TMEM163: variants seen among roughly 807,000 people sequenced by gnomAD.
The protein encoded by TMEM163 is transmembrane protein 163.
Under a neutral mutation model 29.3 loss-of-function variants are expected in TMEM163, and 17 were observed. The ratio of observed to expected loss-of-function variants is 0.58; its 90% CI spans 0.40 to 0.87. The LOEUF is 0.87. TMEM163 is among the 40% of genes least tolerant of loss of function. TMEM163 has a pLI of 0.00. For missense variants in TMEM163, 303 were observed against 381.5 expected (o/e 0.79, Z 1.71); for synonymous variants, 157 against 160.6 (o/e 0.98, Z 0.17).
intron 2 of TMEM163, among the ~76,000 whole-genome samples, chr2:134,681,618 C>T (rs144193036): frequency 6.6e-6 from 1 of 152,280 alleles, no homozygotes; most frequent in African/African-American, 2.4e-5. Context: ...TTCTATAAGT[C>T]ACACAGGTTA....
At chr2:134,657,684 T>G (rs1385467587) in intron 2 of TMEM163, among the ~76,000 whole-genome samples, 1 of 152,152 alleles carries the variant, frequency 6.6e-6, no homozygotes, top group Non-Finnish European at 1.5e-5. Flanking sequence ...ATGCCTGTAA[T>G]CCGAGCTACT....
intron 7 of TMEM163, 71 bp from the exon 8 acceptor site, chr2:134,456,847 A>C: frequency 7.4e-7 from 1 of 1,360,502 alleles, no homozygotes; most frequent in African/African-American, 1.5e-5. Context: ...GCGTATTTTC[A>C]TTTTTTTTTT....
At chr2:134,498,260 G>C (rs576621149) in intron 5 of TMEM163, among the ~76,000 whole-genome samples, 1 of 151,482 alleles carries the variant, frequency 6.6e-6, no homozygotes, top group Non-Finnish European at 1.5e-5. Flanking sequence ...TCACTCCAGC[G>C]CCACCCTCCA....
At chr2:134,591,349 G>T (rs1681930162) in intron 2 of TMEM163, among the ~76,000 whole-genome samples, 2 of 152,068 alleles carry the variant, frequency 1.3e-5, no homozygotes, top group Admixed American at 1.3e-4. Context: ...ATGCTGGTGG[G>T]AGTGTAGCAG....
At chr2:134,571,215 AT>A (rs201240138) in intron 2 of TMEM163, among the ~76,000 whole-genome samples, 10,181 of 152,308 alleles carry the variant, frequency 0.067, 462 homozygotes, top group Admixed American at 0.14. Context: ...GGACACACCA[AT>A]ATGGAAAATA....
At chr2:134,534,604 A>C (rs965071902) in intron 4 of TMEM163, among the ~76,000 whole-genome samples, 1 of 152,054 alleles carries the variant, frequency 6.6e-6, no homozygotes. Context: ...ATACCAAAAA[A>C]TTAGCCAGGT....
Position 134,637,280 on chromosome 2 carries a change from C to G in TMEM163, c.322+75920G>C, listed in dbSNP as rs182448366. Among the ~76,000 whole-genome samples, 8 of 152,278 alleles carry G rather than the reference C, an allele frequency of 5.3e-5. No homozygotes were observed. In the East Asian group the frequency reaches 1.6e-3, roughly 30 times the overall value. On this transcript the variant is annotated intron_variant, in intron 2 of 7. Transcript: ENST00000281924. ...GAGACTCCAGTTCCCTCCCATACCC[C>G]AAAGCTGTGCATGTGAGATGAACTG... is the stretch of plus-strand genomic sequence containing the variant.
rs144634882 is a variant in TMEM163, at chr2:134,532,859, C to T, written c.458+17711G>A. Among the ~76,000 whole-genome samples the T allele has an allele frequency of 3.3e-3, 510 of 152,286 alleles. 4 individuals carry two copies. Among genetic ancestry groups the T allele is most frequent in the African/African-American group, 0.012 (483 of 41,566 alleles). Reference sequence around the variant, plus strand: ...GCAGTGTTTCCAATCACAGCAGCCACTCCATGAACAATCAAAATTACAGAT... The same window carrying T: ...GCAGTGTTTCCAATCACAGCAGCCATTCCATGAACAATCAAAATTACAGAT... On this transcript the variant is annotated intron_variant, in intron 4 of 7. Coordinates refer to ENST00000281924, the MANE Select transcript of TMEM163 (RefSeq NM_030923.5).
At chr2:134,625,541 A>C (rs939386068) in intron 2 of TMEM163, among the ~76,000 whole-genome samples, 6 of 152,186 alleles carry the variant, frequency 3.9e-5, no homozygotes, top group African/African-American at 1.2e-4. Flanking sequence ...GCATTTGGGG[A>C]TATCAGGAGG....
At chr2:134,650,912 A>G (rs1683461983) in intron 2 of TMEM163, among the ~76,000 whole-genome samples, 1 of 128,370 alleles carries the variant, frequency 7.8e-6, no homozygotes, top group Non-Finnish European at 1.6e-5. Context: ...CATGGTGTAT[A>G]TGTGCCACAT....
At position 134,665,114 on chromosome 2, in the gene TMEM163, G is replaced by A. The variant is rs144314282; in HGVS notation, c.322+48086C>T. Among the ~76,000 whole-genome samples, 93 of 152,246 alleles carry A rather than the reference G, an allele frequency of 6.1e-4. 2 individuals are homozygous for A. The East Asian group carries it at 0.013, about 21-fold the overall frequency. On this transcript the variant is annotated intron_variant, in intron 2 of 7. Transcript: ENST00000281924. The stretch of plus-strand genomic sequence containing the variant: ...ACAGGAAAGACAAACAGCTTGTGAT[G>A]CTTATATTGTTGTTTGGGGGTCCAC...
chr2:134,464,984 C>T (rs529336094), intron 6 of TMEM163, among the ~76,000 whole-genome samples: 7 of 152,150 alleles, frequency 4.6e-5, no homozygotes, highest in Admixed American at 2.6e-4. Context: ...CTGTCACTGT[C>T]ACCATGCATG....
intron 4 of TMEM163, among the ~76,000 whole-genome samples, chr2:134,530,016 G>A (rs1213901356): frequency 6.6e-6 from 1 of 152,050 alleles, no homozygotes; most frequent in Non-Finnish European, 1.5e-5. Context: ...TTCCCACCTT[G>A]CAGCCAGTCC....
intron 2 of TMEM163, among the ~76,000 whole-genome samples, chr2:134,630,564 C>T (rs111557450): frequency 2.6e-5 from 4 of 152,258 alleles, no homozygotes; most frequent in South Asian, 2.1e-4. Context: ...GACATGGGCC[C>T]GGCCATCTTG....
intron 4 of TMEM163, among the ~76,000 whole-genome samples, chr2:134,513,866 T>G (rs1679999698): frequency 6.6e-6 from 1 of 152,158 alleles, no homozygotes; most frequent in African/African-American, 2.4e-5. Flanking sequence ...GCCAAGATGA[T>G]TCGTCCCTGA....
chr2:134,699,542 T>A (rs1684652266), intron 2 of TMEM163, among the ~76,000 whole-genome samples: 1 of 151,748 alleles, frequency 6.6e-6, no homozygotes, highest in Non-Finnish European at 1.5e-5. Flanking sequence ...TGACATAGAG[T>A]ATATAACCAC....
intron 2 of TMEM163, among the ~76,000 whole-genome samples, chr2:134,575,378 G>A (rs1206862012): frequency 6.6e-6 from 1 of 152,140 alleles, no homozygotes; most frequent in Non-Finnish European, 1.5e-5. Context: ...CCAAGAGCCA[G>A]GCCGAGAATC....
At chr2:134,604,210 C>T (rs984688144) in intron 2 of TMEM163, among the ~76,000 whole-genome samples, 1 of 152,122 alleles carries the variant, frequency 6.6e-6, no homozygotes, top group African/African-American at 2.4e-5. Context: ...AGGAGGCCTG[C>T]CCAAGGACGC....
Position 134,460,493 on chromosome 2 carries a change from G to A in TMEM163, c.668-2320C>T, listed in dbSNP as rs527831306. Among the ~76,000 whole-genome samples, 4 of 152,200 alleles carry A rather than the reference G, an allele frequency of 2.6e-5. No individual in the cohort carries two copies. In the South Asian group the frequency reaches 8.3e-4, roughly 32 times the overall value. On this transcript the variant is annotated intron_variant, in intron 6 of 7. Transcript: ENST00000281924. The surrounding 1 kb of genome is among the most constrained non-coding windows in gnomAD (Gnocchi z 4.3). ...AACTTTGTCTCTCCTTGCAGTATTC[G>A]AAGTCCCAGGACAGGGCCTGGCATT...
Sources: allele counts gnomAD v4.1 joint callset (sites outside exome capture counted in the v4.1 genomes callset), GRCh38; gene constraint gnomAD v4.1.1; non-coding constraint Gnocchi (gnomAD v3.1); transcripts MANE v1.5; gene names NCBI Gene and HGNC (gene_info 2026-07-23, HGNC 2026-07-21).